Variants in MIPEP observed in about 807,000 individuals in gnomAD.
MIPEP encodes the protein mitochondrial intermediate peptidase.
MIPEP carries 79 observed loss-of-function variants against 90.3 expected under a neutral mutation model. The observed-to-expected ratio is 0.87, with a 90% CI of 0.73 to 1.05. The LOEUF (loss-of-function observed/expected upper bound fraction) is 1.05, where lower values mean the gene tolerates loss of function less well. MIPEP is among the 50% of genes least tolerant of loss of function. MIPEP has a pLI of 0.00. For synonymous variants in MIPEP, 334 were observed against 315.8 expected, an observed-to-expected ratio of 1.06 and a Z score of -0.61; for missense variants, 940 against 905.6, an observed-to-expected ratio of 1.04 and a Z score of -0.49.
chr13:23,874,130 A>C (rs948026374), intron 5 of MIPEP, among the ~76,000 whole-genome samples: 2 of 152,252 alleles, frequency 1.3e-5, no homozygotes, highest in African/African-American at 4.8e-5. Context: ...TAAAACAAAT[A>C]AACAAAAAGC....
In MIPEP at chr13:23,877,802, G is replaced by A. The variant is rs548813461; in HGVS notation, c.539+1466C>T. Among the ~76,000 whole-genome samples, 32 of 152,100 alleles carry A rather than the reference G, an allele frequency of 2.1e-4. 1 individual carries two copies. Among genetic ancestry groups the A allele is most frequent in the Admixed American group, 5.2e-4 (8 of 15,294 alleles). On this transcript the variant is annotated intron_variant, in intron 4 of 18. Transcript: ENST00000382172. ...GGTTCTAAAATATAGTTCTTTCTGG[G>A]TGCTAGCCAACACTCAATGATATCT...
In MIPEP at chr13:23,845,490, A is replaced by C. The variant is rs75608993; in HGVS notation, c.1107-4002T>G. 4.3e-3 allele frequency among the ~76,000 whole-genome samples: 652 copies of C among 152,262 alleles called. 2 individuals are homozygous for C. Among genetic ancestry groups the C allele is most frequent in the African/African-American group, 0.015 (625 of 41,546 alleles). On this transcript the variant is annotated intron_variant, in intron 10 of 18. Coordinates refer to ENST00000382172, the MANE Select transcript of MIPEP (RefSeq NM_005932.4). Reference sequence around the variant, plus strand: ...CAGAAAATGCATCCCGTTAGGCCACACCCAGAGCTCACTTCCCTGCCTTGG... The same window carrying C: ...CAGAAAATGCATCCCGTTAGGCCACCCCCAGAGCTCACTTCCCTGCCTTGG...
At chr13:23,749,606 C>T (rs537624111) in intron 18 of MIPEP, among the ~76,000 whole-genome samples, 20 of 152,292 alleles carry the variant, frequency 1.3e-4, no homozygotes, top group African/African-American at 4.1e-4. Flanking sequence ...AAACTGAATC[C>T]GACAGGCTTG....
At chr13:23,825,958 G>A (rs1868435196) in intron 14 of MIPEP, among the ~76,000 whole-genome samples, 2 of 152,060 alleles carry the variant, frequency 1.3e-5, no homozygotes, top group African/African-American at 4.8e-5. Flanking sequence ...AAACATTTTA[G>A]TGTAGTGGCT....
chr13:23,760,681 C>T (rs1402894325), intron 16 of MIPEP: 4 of 464,844 alleles, frequency 8.6e-6, no homozygotes, highest in Admixed American at 4.7e-5. Flanking sequence ...AAGTAAATTT[C>T]TGTTGTTTAA....
chr13:23,738,667 C>T (rs1320888319), intron 18 of MIPEP, among the ~76,000 whole-genome samples: 1 of 151,324 alleles, frequency 6.6e-6, no homozygotes, highest in Non-Finnish European at 1.5e-5. Context: ...AGGCTGGTCT[C>T]GAACTCCTGA....
chr13:23,850,501 C>A (rs978257471), intron 10 of MIPEP, among the ~76,000 whole-genome samples: 3 of 152,180 alleles, frequency 2.0e-5, no homozygotes, highest in African/African-American at 7.2e-5. Context: ...AACTTCCTGG[C>A]AACCAGGAAA....
chr13:23,824,325 T>C (rs1413181251), intron 14 of MIPEP, among the ~76,000 whole-genome samples: 1 of 152,202 alleles, frequency 6.6e-6, no homozygotes, highest in Non-Finnish European at 1.5e-5. Flanking sequence ...TTTTTACTTA[T>C]GACCATTGAG....
At chr13:23,738,180 T>C (rs1015045061) in intron 18 of MIPEP, among the ~76,000 whole-genome samples, 2 of 152,248 alleles carry the variant, frequency 1.3e-5, no homozygotes, top group South Asian at 2.1e-4. Context: ...AAAAAACATG[T>C]TATTTATTAG....
At chr13:23,832,320 C>T (rs1868806446) in intron 14 of MIPEP, among the ~76,000 whole-genome samples, 1 of 152,100 alleles carries the variant, frequency 6.6e-6, no homozygotes, top group African/African-American at 2.4e-5. Context: ...TCAGATACGG[C>T]CCCTTGACCT....
intron 18 of MIPEP, among the ~76,000 whole-genome samples, chr13:23,745,593 T>TG (rs1362692596): frequency 2.0e-5 from 3 of 152,136 alleles, no homozygotes; most frequent in African/African-American, 7.2e-5. Context: ...TCCTCAGCCC[T>TG]TGAAGCTTGA....
Position 23,882,934 on chromosome 13 carries a change from T to C in MIPEP, c.364-1147A>G, listed in dbSNP as rs1477685772. Among the ~76,000 whole-genome samples the C allele has an allele frequency of 2.0e-5, 3 of 152,172 alleles. No individual in the cohort carries two copies. The East Asian group carries it at 5.8e-4, about 29-fold the overall frequency. On this transcript the variant is annotated intron_variant, in intron 2 of 18. Transcript: ENST00000382172. ...TTAAAATTCAAAACACTAGCATACATATTAAAAACTGATTTGTAATAGTGA... is the reference window on the plus strand; with the variant it reads ...TTAAAATTCAAAACACTAGCATACACATTAAAAACTGATTTGTAATAGTGA...
chr13:23,857,072 A>G (rs1291327254), intron 10 of MIPEP, among the ~76,000 whole-genome samples: 1 of 152,104 alleles, frequency 6.6e-6, no homozygotes, highest in African/African-American at 2.4e-5. Context: ...ATAAACATGG[A>G]AAGTACAAAT....
At chr13:23,777,232 A>G (rs926293890) in intron 16 of MIPEP, among the ~76,000 whole-genome samples, 3 of 152,192 alleles carry the variant, frequency 2.0e-5, no homozygotes, top group Non-Finnish European at 4.4e-5. Context: ...TTTCTCTAAC[A>G]TGGTAGCATC....
intron 16 of MIPEP, among the ~76,000 whole-genome samples, chr13:23,778,767 C>A (rs1952744848): frequency 1.3e-5 from 2 of 151,970 alleles, no homozygotes; most frequent in African/African-American, 4.8e-5. Flanking sequence ...GGGTGCCAGG[C>A]ACTGGGCTAA....
chr13:23,771,364 CACAA>C (rs1366993984), intron 16 of MIPEP, among the ~76,000 whole-genome samples: 1 of 152,136 alleles, frequency 6.6e-6, no homozygotes, highest in Non-Finnish European at 1.5e-5. Flanking sequence ...TAAATATTTA[CACAA>C]ACAATGATAA....
intron 15 of MIPEP, among the ~76,000 whole-genome samples, chr13:23,808,206 C>T (rs375152512): frequency 0.02 from 3,061 of 151,922 alleles, 55 homozygotes; most frequent in Middle Eastern, 0.088. Context: ...TCACGCCATT[C>T]TCCTGCCTCA....
intron 12 of MIPEP, among the ~76,000 whole-genome samples, chr13:23,839,084 T>G (rs536425982): frequency 1.9e-4 from 29 of 152,370 alleles, no homozygotes; most frequent in African/African-American, 7.0e-4. Flanking sequence ...AGTCGGCCAA[T>G]GCTAAAGAAA....
At chr13:23,751,077 G>A (rs1032894816) in intron 18 of MIPEP, among the ~76,000 whole-genome samples, 1 of 152,224 alleles carries the variant, frequency 6.6e-6, no homozygotes, top group African/African-American at 2.4e-5. Flanking sequence ...ATTTCTGGGT[G>A]CTGATGTGCT....
Sources: gnomAD v4.1 joint callset for allele counts (sites outside exome capture counted in the v4.1 genomes callset) on GRCh38, gnomAD v4.1.1 for gene constraint, MANE v1.5 for transcripts, NCBI Gene and HGNC (gene_info 2026-07-23, HGNC 2026-07-21) for gene names.